Variants in ADAMTS18 observed in about 807,000 individuals in gnomAD.
ADAMTS18 encodes ADAM metallopeptidase with thrombospondin type 1 motif 18.
A neutral mutation model predicts 165.9 loss-of-function variants in ADAMTS18; 157 were observed. The ratio of observed to expected loss-of-function variants is 0.95; its 90% CI spans 0.83 to 1.08. The LOEUF is 1.08. Ranked by LOEUF, ADAMTS18 falls within the 50% of genes least tolerant of loss-of-function variation. The probability of loss-of-function intolerance (pLI) is 0.00; values close to 1 mark genes in which losing one functional copy is unlikely to be tolerated. For missense variants in ADAMTS18, 2,040 were observed against 1,534.0 expected, an observed-to-expected ratio of 1.33 and a Z score of -5.51; for synonymous variants, 782 against 578.2, an observed-to-expected ratio of 1.35 and a Z score of -5.06.
chr16:77,409,372 C>G (rs564428546), intron 3 of ADAMTS18, among the ~76,000 whole-genome samples: 1 of 151,928 alleles, frequency 6.6e-6, no homozygotes, highest in Non-Finnish European at 1.5e-5. Context: ...AAACAGACAC[C>G]GAAGAAAATA....
chr16:77,392,499 A>G (rs1443204319), intron 3 of ADAMTS18, among the ~76,000 whole-genome samples: 3 of 152,146 alleles, frequency 2.0e-5, no homozygotes, highest in Non-Finnish European at 4.4e-5. Context: ...ACTTCCCTGA[A>G]CACCCTGTAT....
chr16:77,325,745 G>T, intron 13 of ADAMTS18, 121 bp downstream of exon 13: 3 of 1,024,028 alleles, frequency 2.9e-6, no homozygotes, highest in Non-Finnish European at 4.3e-6. Context: ...GCCAGGATGG[G>T]TCTGGGGAGT....
chr16:77,372,927 T>G (rs1049331271), intron 3 of ADAMTS18, among the ~76,000 whole-genome samples: 1 of 152,224 alleles, frequency 6.6e-6, no homozygotes, highest in Non-Finnish European at 1.5e-5. Context: ...CACAAATTCC[T>G]GACCCACTAA....
intron 3 of ADAMTS18, among the ~76,000 whole-genome samples, chr16:77,408,476 T>G (rs1388106685): frequency 6.6e-6 from 1 of 152,104 alleles, no homozygotes; most frequent in Non-Finnish European, 1.5e-5. Context: ...AAAAAATAGA[T>G]AAATAGTGGT....
chr16:77,298,381 T>C (rs941078441), intron 17 of ADAMTS18, among the ~76,000 whole-genome samples: 1 of 152,200 alleles, frequency 6.6e-6, no homozygotes, highest in Non-Finnish European at 1.5e-5. Flanking sequence ...TTTATTTACA[T>C]TGGAACTTTG....
At chr16:77,373,825 TC>T (rs1377792871) in intron 3 of ADAMTS18, among the ~76,000 whole-genome samples, 1 of 152,122 alleles carries the variant, frequency 6.6e-6, no homozygotes, top group Non-Finnish European at 1.5e-5. Context: ...TGCAACCCTC[TC>T]CCCACCATCC....
At chr16:77,429,873 T>C (rs2057717520) in intron 3 of ADAMTS18, among the ~76,000 whole-genome samples, 1 of 152,204 alleles carries the variant, frequency 6.6e-6, no homozygotes, top group Non-Finnish European at 1.5e-5. Context: ...CCCTGTGATG[T>C]AAACTCTTGT....
At chr16:77,320,218 A>G in intron 15 of ADAMTS18, 125 bp from the exon 16 acceptor site, 1 of 1,166,970 alleles carries the variant, frequency 8.6e-7, no homozygotes. Context: ...ATCTAAATTC[A>G]TTCTTACTCT....
intron 11 of ADAMTS18, among the ~76,000 whole-genome samples, chr16:77,338,841 C>G (rs2056352844): frequency 6.6e-6 from 1 of 151,374 alleles, no homozygotes; most frequent in African/African-American, 2.4e-5. Flanking sequence ...GTAGTTCCAG[C>G]TACTCGGGAG....
At chr16:77,408,679 T>C (rs1054092405) in intron 3 of ADAMTS18, among the ~76,000 whole-genome samples, 1 of 152,170 alleles carries the variant, frequency 6.6e-6, no homozygotes, top group Non-Finnish European at 1.5e-5. Context: ...GAAGTCATGG[T>C]AGCAATTATG....
chr16:77,326,134 T>C, intron 12 of ADAMTS18, 96 bp from the exon 13 acceptor site: 1 of 1,202,710 alleles, frequency 8.3e-7, no homozygotes, highest in Non-Finnish European at 1.2e-6. Flanking sequence ...AGATGAGCAC[T>C]GCCACAGTGT....
chr16:77,431,766 A>T lies in ADAMTS18; in HGVS notation c.179-155T>A, dbSNP rs914522071. 16 of 803,418 alleles carry T rather than the reference A, an allele frequency of 2.0e-5. No individual in the cohort carries two copies. In the Admixed American group the frequency reaches 2.0e-4, roughly 10 times the overall value. The allele number at this position is 803,418 out of a possible 1,614,324, so 49.8% of individuals were successfully genotyped here. ...AAATATAATTCAGAGCAGCACAGGC[A>T]GCAGAAGACCTGTCTCTACAACTAA... On this transcript the variant is annotated intron_variant, in intron 2 of 22. Transcript: ENST00000282849.
chr16:77,285,717 A>C (rs2144547713), intron 22 of ADAMTS18, among the ~76,000 whole-genome samples: 1 of 152,234 alleles, frequency 6.6e-6, no homozygotes, highest in African/African-American at 2.4e-5. Context: ...TTCTACTGTG[A>C]GTCAGGTATT....
chr16:77,359,599 T>G (rs542651453), intron 7 of ADAMTS18, among the ~76,000 whole-genome samples, 176 bp from the exon 8 acceptor site: 1 of 151,990 alleles, frequency 6.6e-6, no homozygotes, highest in Non-Finnish European at 1.5e-5. Context: ...GTAATGATAA[T>G]GTATAAATGC....
chr16:77,323,617 C>A lies in ADAMTS18; in HGVS notation c.2033-1151G>T, dbSNP rs578020371. On this transcript the variant is annotated intron_variant, in intron 13 of 22. Coordinates refer to ENST00000282849, the MANE Select transcript of ADAMTS18 (RefSeq NM_199355.4). ...TGAGTTTATGAGTCCATTAAAAACA[C>A]AGAGGAAAGACGGGAAAAAACCTCA... Among the ~76,000 whole-genome samples, 23 of 149,666 alleles carry A rather than the reference C, an allele frequency of 1.5e-4. No individual in the cohort carries two copies. The East Asian group carries it at 4.3e-3, about 28-fold the overall frequency.
intron 3 of ADAMTS18, among the ~76,000 whole-genome samples, chr16:77,376,218 A>G (rs965067450): frequency 6.6e-6 from 1 of 152,086 alleles, no homozygotes; most frequent in South Asian, 2.1e-4. Context: ...CACATCTTAC[A>G]TGGCTGGAGC....
intron 3 of ADAMTS18, among the ~76,000 whole-genome samples, chr16:77,369,389 G>T (rs76206541): frequency 0.033 from 5,073 of 151,664 alleles, 99 homozygotes; most frequent in South Asian, 0.057. Context: ...TTTGGGTTTA[G>T]TTTGTTGTTA....
intron 2 of ADAMTS18, among the ~76,000 whole-genome samples, chr16:77,431,981 T>C (rs1434396254): frequency 1.3e-5 from 2 of 152,208 alleles, no homozygotes; most frequent in Non-Finnish European, 2.9e-5. Flanking sequence ...AAATTTAATT[T>C]TTTTGAAGAT....
intron 16 of ADAMTS18, among the ~76,000 whole-genome samples, chr16:77,306,562 TTTC>T (rs1224996281): frequency 6.6e-6 from 1 of 152,236 alleles, no homozygotes; most frequent in Non-Finnish European, 1.5e-5. Flanking sequence ...GGCCTCTTTT[TTTC>T]TTCTTCTTCA....
Sources: gnomAD v4.1 joint callset for allele counts (sites outside exome capture counted in the v4.1 genomes callset) on GRCh38, gnomAD v4.1.1 for gene constraint, MANE v1.5 for transcripts, NCBI Gene and HGNC (gene_info 2026-07-23, HGNC 2026-07-21) for gene names.